RNF135: variants seen among roughly 807,000 people sequenced by gnomAD.
The protein encoded by RNF135 is ring finger protein 135, also known as E3 ubiquitin-protein ligase RNF135.
In RNF135, 46 loss-of-function variants were observed where a neutral mutation model predicts 41.9. The ratio of observed to expected loss-of-function variants is 1.10; its 90% CI spans 0.87 to 1.40. The LOEUF is 1.40. Among genes scored for constraint, RNF135 ranks in the 40% most tolerant of loss-of-function variants. The pLI, the probability that RNF135 is intolerant of heterozygous loss-of-function variation, is 0.00. For missense variants in RNF135, 539 were observed against 549.8 expected (o/e 0.98, Z 0.20); for synonymous variants, 238 against 223.8 (o/e 1.06, Z -0.57).
At chr17:30,962,807 T>C in the RNF135 span, among the ~76,000 whole-genome samples, 1 of 152,164 alleles carries the variant, frequency 6.6e-6, no homozygotes, top group Admixed American at 6.5e-5. Flanking sequence ...GGTATCACAA[T>C]AGCCATCAAC....
chr17:30,976,984 GTTGTT>G (rs1178369145), intron 1 of RNF135, among the ~76,000 whole-genome samples: 6 of 151,892 alleles, frequency 4.0e-5, no homozygotes, highest in African/African-American at 9.7e-5. Flanking sequence ...TTGTTCTTTG[GTTGTT>G]TTGTTTTGTG....
intron 1 of RNF135, chr17:30,972,977 TG>T (rs1215139128): frequency 6.6e-6 from 1 of 152,302 alleles, no homozygotes; most frequent in Non-Finnish European, 1.5e-5. Flanking sequence ...GTTTTCACCA[TG>T]TTGGCCAGGA....
chr17:30,978,796 A>C (rs1906690844), intron 1 of RNF135: 1 of 121,966 alleles, frequency 8.2e-6, no homozygotes, highest in Admixed American at 8.6e-5. Context: ...AAGATTAGGG[A>C]GTGGTGATGA....
chr17:30,980,213 AC>A (rs1555573370), intron 1 of RNF135: 9 of 95,414 alleles, frequency 9.4e-5, no homozygotes, highest in South Asian at 3.8e-4. Context: ...CGGGGGGCTG[AC>A]CCCCCCACCT....
At chr17:30,962,352 T>C in the RNF135 span, among the ~76,000 whole-genome samples, 40 of 152,116 alleles carry the variant, frequency 2.6e-4, 1 homozygote, top group Non-Finnish European at 5.4e-4. Flanking sequence ...CAGGATGGTC[T>C]TGAATTCTTG....
intron 3 of RNF135, among the ~76,000 whole-genome samples, chr17:30,995,742 A>G (rs1012886848): frequency 6.6e-6 from 1 of 151,890 alleles, no homozygotes; most frequent in African/African-American, 2.4e-5. Flanking sequence ...GTTGTAGCAT[A>G]TATCAGAATT....
At chr17:30,988,245 G>T (rs558286616) in intron 3 of RNF135, 139 bp downstream of exon 3, 2 of 842,458 alleles carry the variant, frequency 2.4e-6, no homozygotes, top group Admixed American at 2.2e-5. Flanking sequence ...AATCAGGTAG[G>T]GGTGGGCTGA....
chr17:30,993,899 G>A, intron 3 of RNF135: 1 of 635,620 alleles, frequency 1.6e-6, no homozygotes, highest in African/African-American at 1.9e-5. Context: ...GATCTCTCAG[G>A]CTCAGGTGAT....
intron 1 of RNF135, among the ~76,000 whole-genome samples, chr17:30,983,114 G>A (rs969413815): frequency 6.6e-6 from 1 of 151,548 alleles, no homozygotes; most frequent in Admixed American, 6.6e-5. Context: ...TTAAGGCTGA[G>A]TAGTATTCTA....
rs1359536712 is a variant in RNF135 at position 30,984,641 on chromosome 17, G to A, written c.397G>A (p.Glu133Lys). Residue 133 changes from glutamate (E) to lysine (K), a missense_variant, in exon 2 of 5, where the codon GAA (glutamate) becomes AAA (lysine). Transcript: ENST00000328381. The part of the protein sequence containing the change: ...QRVAVEKSIT[E>K]VAQELTELVE... The stretch of plus-strand genomic sequence containing the variant: ...GGTGGCAGTAGAGAAGAGCATCACA[G>A]AAGTTGCTCAGGAGCTGACAGAGCT... The A allele has an allele frequency of 1.2e-6, 2 of 1,614,188 alleles. No homozygotes were observed. The highest frequency in any genetic ancestry group is 3.3e-5 in the Admixed American group (2 of 60,024).
chr17:30,983,353 A>ATATTTTTTTTTT (rs1420453160), intron 1 of RNF135, among the ~76,000 whole-genome samples: 10 of 35,734 alleles, frequency 2.8e-4, no homozygotes, highest in African/African-American at 9.1e-4. Flanking sequence ...ATATATATAT[A>ATATTTTTTTTTT]TTTTTTTTTT....
chr17:30,984,515 GT>G, intron 1 of RNF135, 101 bp from the exon 2 acceptor site: 2 of 1,231,954 alleles, frequency 1.6e-6, no homozygotes. Flanking sequence ...CTGTATGTCT[GT>G]TTTTATGCCA....
chr17:30,986,082 T>C (rs1430501735), intron 2 of RNF135, among the ~76,000 whole-genome samples: 1 of 152,230 alleles, frequency 6.6e-6, no homozygotes, highest in Non-Finnish European at 1.5e-5. Context: ...GAGGACTCCA[T>C]GTACCTTTCA....
rs11274146 is a variant in RNF135, at chr17:30,987,766, TACAGCAA to T, written c.517-176_517-170del. On this transcript the variant is annotated intron_variant, in intron 2 of 4. Transcript: ENST00000328381. ...TCTTTGATATTTTTGCTGTACTATG[TACAGCAA>T]ATTATTCCAGATTTTTTTCAAGGCA... is the stretch of plus-strand genomic sequence containing the variant. Among the ~76,000 whole-genome samples the T allele has an allele frequency of 0.19, 28,224 of 151,900 alleles. 8,273 individuals are homozygous for T. The highest frequency in any genetic ancestry group is 0.63 in the African/African-American group (25,877 of 41,186).
At chr17:30,987,895 A>T in intron 2 of RNF135, 49 bp from the exon 3 acceptor site, 2 of 1,496,842 alleles carry the variant, frequency 1.3e-6, no homozygotes, top group Non-Finnish European at 1.9e-6. Context: ...TAGTTGATAG[A>T]CTGCATAGGG....
chr17:30,960,744 ATTTTTT>A, the RNF135 span, among the ~76,000 whole-genome samples: 28 of 134,682 alleles, frequency 2.1e-4, no homozygotes, highest in African/African-American at 7.5e-4. Flanking sequence ...ATTTTATTTT[ATTTTTT>A]TTTTTTTGAG....
At chr17:30,994,473 C>T (rs1285021936) in intron 3 of RNF135, among the ~76,000 whole-genome samples, 2 of 151,864 alleles carry the variant, frequency 1.3e-5, no homozygotes, top group African/African-American at 4.8e-5. Context: ...TCACTTGAGC[C>T]TGGGAAGCAG....
chr17:30,976,846 T>C (rs1906501130), intron 1 of RNF135, among the ~76,000 whole-genome samples: 1 of 152,214 alleles, frequency 6.6e-6, no homozygotes, highest in South Asian at 2.1e-4. Context: ...ATGAAGTGTG[T>C]TTCTTGTAGG....
At position 30,971,293 on chromosome 17, in the gene RNF135, A is replaced by T; in HGVS notation, c.220A>T (p.Lys74Ter). ...QGAAQQPHLR[K>*]NTLLQDLADK... ...CGCCGCGCAGCAGCCGCACCTGCGG[A>T]AGAACACGCTACTGCAGGACCTGGC... is the stretch of plus-strand genomic sequence containing the variant. The change falls in exon 1 of 5, where the codon AAG (lysine) becomes TAG (stop). Residue 74 changes from lysine (K) to a stop codon, truncating the protein, a stop_gained. Transcript: ENST00000328381. LOFTEE classifies it high-confidence loss of function. The T allele has an allele frequency of 6.5e-7, 1 of 1,529,328 alleles. No individual in the cohort carries two copies. The allele number at this position is 1,529,328 out of a possible 1,614,324, so 94.7% of individuals were successfully genotyped here. A position where few individuals can be genotyped will look rare whatever the true frequency, so the allele number is the denominator to read the frequency against.
Sources: gnomAD v4.1 joint callset for allele counts (sites outside exome capture counted in the v4.1 genomes callset) on GRCh38, gnomAD v4.1.1 for gene constraint, MANE v1.5 for transcripts, NCBI Gene and HGNC (gene_info 2026-07-23, HGNC 2026-07-21) for gene names.